Variants in SIPA1L2 observed in about 807,000 individuals in gnomAD.
SIPA1L2 encodes the protein signal induced proliferation associated 1 like 2.
In SIPA1L2, 56 loss-of-function variants were observed where a neutral mutation model predicts 163.9. That is an observed-to-expected ratio of 0.34 (90% confidence interval 0.28 to 0.43). SIPA1L2 has a LOEUF of 0.43. Among genes scored for constraint, SIPA1L2 ranks in the 20% least tolerant of loss-of-function variants. SIPA1L2 has a pLI of 1.00. For synonymous variants in SIPA1L2, 877 were observed against 865.7 expected (o/e 1.01, Z -0.23); for missense variants, 1,974 against 2,193.5 (o/e 0.90, Z 2.00).
intron 2 of SIPA1L2, among the ~76,000 whole-genome samples, chr1:232,523,627 ACATGAG>A (rs558673653): frequency 1.6e-4 from 24 of 152,210 alleles, no homozygotes; most frequent in Non-Finnish European, 2.8e-4. Context: ...AAAGAAGAGA[ACATGAG>A]CATTTTATAA....
At chr1:232,579,750 T>C in intron 1 of SIPA1L2, among the ~76,000 whole-genome samples, 1 of 152,166 alleles carries the variant, frequency 6.6e-6, no homozygotes, top group African/African-American at 2.4e-5. Flanking sequence ...CCAAGCTCGA[T>C]GAAAAATCAA....
At chr1:232,472,934 C>A (rs1026978272) in intron 7 of SIPA1L2, among the ~76,000 whole-genome samples, 1 of 152,170 alleles carries the variant, frequency 6.6e-6, no homozygotes, top group African/African-American at 2.4e-5. Flanking sequence ...AGTTAAACTG[C>A]TGATTCATAT....
At chr1:232,551,352 G>A (rs966814906) in intron 2 of SIPA1L2, among the ~76,000 whole-genome samples, 1 of 152,160 alleles carries the variant, frequency 6.6e-6, no homozygotes, top group Non-Finnish European at 1.5e-5. Flanking sequence ...CTACCTAAGA[G>A]AGGAGCCCTC....
At chr1:232,484,274 A>G (rs1324557449) in intron 5 of SIPA1L2, among the ~76,000 whole-genome samples, 2 of 152,248 alleles carry the variant, frequency 1.3e-5, no homozygotes, top group Admixed American at 1.3e-4. Flanking sequence ...TCTACTTAAA[A>G]ATAGAACTGT....
chr1:232,565,180 G>A lies in SIPA1L2; in HGVS notation c.-270+8994C>T, dbSNP rs1659334040. Among the ~76,000 whole-genome samples the A allele has an allele frequency of 2.0e-5, 3 of 152,214 alleles. No individual in the cohort carries two copies. The South Asian group carries it at 6.2e-4, about 32-fold the overall frequency. ...CAACAAGCATCGTCTGGATGAATCT[G>A]GATAAAAACCTTAGATAGGTGAAGT... On this transcript the variant is annotated intron_variant, in intron 2 of 22. Transcript: ENST00000674635.
intron 8 of SIPA1L2, among the ~76,000 whole-genome samples, chr1:232,469,124 G>A (rs1664674031): frequency 6.6e-6 from 1 of 152,206 alleles, no homozygotes; most frequent in African/African-American, 2.4e-5. Context: ...CAACCGCACA[G>A]CCCCTTCTGA....
At chr1:232,475,287 C>G (rs1048920819) in intron 7 of SIPA1L2, among the ~76,000 whole-genome samples, 1 of 152,200 alleles carries the variant, frequency 6.6e-6, no homozygotes, top group Non-Finnish European at 1.5e-5. Context: ...ACCCAAGGAA[C>G]TTTGCAGTTC....
At chr1:232,590,503 T>C (rs542363451) in intron 1 of SIPA1L2, among the ~76,000 whole-genome samples, 1 of 152,224 alleles carries the variant, frequency 6.6e-6, no homozygotes, top group Non-Finnish European at 1.5e-5. Context: ...TCATACACAC[T>C]GTTTTCTGGA....
rs76320396 is a variant in SIPA1L2, at chr1:232,454,501, T to C, written c.3095+6386A>G. Among the ~76,000 whole-genome samples, 1,402 of 152,286 alleles carry C rather than the reference T, an allele frequency of 9.2e-3. 24 individuals are homozygous for C. Among genetic ancestry groups the C allele is most frequent in the African/African-American group, 0.033 (1,356 of 41,560 alleles). On this transcript the variant is annotated intron_variant, in intron 10 of 22. Coordinates refer to ENST00000674635, the MANE Select transcript of SIPA1L2 (RefSeq NM_020808.5). Reference sequence around the variant, plus strand: ...TTCTTAGAAAGCTTGAGAGCAGGAGTAACACTGCACTGTAATACTTCAAAA... The same window carrying C: ...TTCTTAGAAAGCTTGAGAGCAGGAGCAACACTGCACTGTAATACTTCAAAA...
At chr1:232,523,461 G>A (rs1186616319) in intron 2 of SIPA1L2, among the ~76,000 whole-genome samples, 1 of 152,114 alleles carries the variant, frequency 6.6e-6, no homozygotes, top group Non-Finnish European at 1.5e-5. Context: ...AATAATTTAA[G>A]CAGAGGCATT....
At chr1:232,456,464 C>G (rs138746076) in intron 10 of SIPA1L2, among the ~76,000 whole-genome samples, 1 of 151,984 alleles carries the variant, frequency 6.6e-6, no homozygotes, top group Admixed American at 6.5e-5. Context: ...TAGAAAAATG[C>G]CTTGGATAGT....
chr1:232,603,885 T>G (rs1249436384), intron 1 of SIPA1L2, among the ~76,000 whole-genome samples: 3 of 152,124 alleles, frequency 2.0e-5, no homozygotes, highest in Non-Finnish European at 2.9e-5. Flanking sequence ...TACCTATTTT[T>G]GACGACTAAG....
At chr1:232,441,030 A>G (rs774193669) in intron 14 of SIPA1L2, among the ~76,000 whole-genome samples, 1 of 152,272 alleles carries the variant, frequency 6.6e-6, no homozygotes, top group Non-Finnish European at 1.5e-5. Flanking sequence ...AAATGGGAAC[A>G]TGATTTAGTA....
At chr1:232,404,009 C>A in intron 20 of SIPA1L2, 116 bp downstream of exon 20, 1 of 1,151,348 alleles carries the variant, frequency 8.7e-7, no homozygotes, top group Non-Finnish European at 1.3e-6. Context: ...GACACATGTC[C>A]CGCTGTGCAC....
intron 2 of SIPA1L2, among the ~76,000 whole-genome samples, chr1:232,519,128 C>T (rs1667342217): frequency 6.6e-6 from 1 of 152,176 alleles, no homozygotes; most frequent in African/African-American, 2.4e-5. Flanking sequence ...AGCAACTACT[C>T]CACTCTGAAA....
intron 1 of SIPA1L2, among the ~76,000 whole-genome samples, chr1:232,612,965 G>T (rs1293287427): frequency 6.6e-6 from 1 of 152,154 alleles, no homozygotes; most frequent in Non-Finnish European, 1.5e-5. Context: ...AAGATAGTTT[G>T]AATCATGGGG....
chr1:232,550,240 A>G (rs1658296100), intron 2 of SIPA1L2, among the ~76,000 whole-genome samples: 1 of 152,248 alleles, frequency 6.6e-6, no homozygotes, highest in African/African-American at 2.4e-5. Flanking sequence ...CAGAAGGTTT[A>G]AGTAATCAAG....
chr1:232,446,887 A>T lies in SIPA1L2; in HGVS notation c.3096-1101T>A, dbSNP rs193278228. On this transcript the variant is annotated intron_variant, in intron 10 of 22. Transcript: ENST00000674635. ...CCACCCAGAGTCCTCTGAGCACCTG[A>T]AATGGACTTGTGTTTGGAGGAACAC... Among the ~76,000 whole-genome samples, 362 of 152,358 alleles carry T rather than the reference A, an allele frequency of 2.4e-3. 1 individual carries two copies. Among genetic ancestry groups the T allele is most frequent in the Non-Finnish European group, 4.5e-3 (303 of 68,034 alleles).
chr1:232,514,121 G>T lies in SIPA1L2; in HGVS notation c.1219C>A (p.Leu407Ile). ...EGDGKSNDLV[L>I]SCPYFRNETG... ...TCATTTCTAAAGTAAGGACAACTAA[G>T]GACGAGGTCGTTACTTTTCCCATCA... Residue 407 changes from leucine (L) to isoleucine (I), a missense_variant, in exon 3 of 23, where the codon CTT becomes ATT. Leu to Ile is a conservative substitution (Grantham distance 5, BLOSUM62 2). Transcript: ENST00000674635. The T allele has an allele frequency of 6.2e-7, 1 of 1,614,218 alleles. No individual in the cohort carries two copies. Among genetic ancestry groups the T allele is most frequent in the Non-Finnish European group, 8.5e-7 (1 of 1,180,030 alleles).
Sources: gnomAD v4.1 joint callset for allele counts (sites outside exome capture counted in the v4.1 genomes callset) on GRCh38, gnomAD v4.1.1 for gene constraint, MANE v1.5 for transcripts, NCBI Gene and HGNC (gene_info 2026-07-23, HGNC 2026-07-21) for gene names.